The following FAM78B variants were observed in gnomAD, a reference collection of about 807,000 sequenced individuals.
FAM78B encodes the protein protein FAM78B.
In FAM78B, 10 loss-of-function variants were observed where a neutral mutation model predicts 20.0. The ratio of observed to expected loss-of-function variants is 0.50; its 90% CI spans 0.31 to 0.85. The LOEUF (loss-of-function observed/expected upper bound fraction) is 0.85. FAM78B is among the 40% of genes least tolerant of loss of function. The probability of loss-of-function intolerance (pLI) is 0.05; values close to 1 mark genes in which losing one functional copy is unlikely to be tolerated. For missense variants in FAM78B, 283 were observed against 345.0 expected, an observed-to-expected ratio of 0.82 and a Z score of 1.42; for synonymous variants, 135 against 132.8, an observed-to-expected ratio of 1.02 and a Z score of -0.12.
chr1:166,113,299 T>C (rs1654129462), intron 1 of FAM78B, among the ~76,000 whole-genome samples: 1 of 152,238 alleles, frequency 6.6e-6, no homozygotes, highest in Non-Finnish European at 1.5e-5. Context: ...AGGGGGATAA[T>C]GTTGGGTTTG....
exon 3 of FAM78B, chr1:166,060,548 G>A (rs1651547731): frequency 8.3e-7 from 1 of 1,209,274 alleles, no homozygotes; most frequent in African/African-American, 1.6e-5. Context: ...ATTTTAATGG[G>A]AAATCAGCTG....
chr1:166,102,073 T>G (rs1653550827), intron 1 of FAM78B, among the ~76,000 whole-genome samples: 3 of 151,996 alleles, frequency 2.0e-5, no homozygotes, highest in South Asian at 4.1e-4. Flanking sequence ...TTAAGGAAAA[T>G]AATTTTCAAC....
intron 1 of FAM78B, among the ~76,000 whole-genome samples, chr1:166,121,523 C>A (rs1332658205): frequency 2.0e-5 from 3 of 152,182 alleles, no homozygotes; most frequent in Non-Finnish European, 4.4e-5. Flanking sequence ...TTCAGAGCTC[C>A]ATACCCTGTG....
intron 1 of FAM78B, among the ~76,000 whole-genome samples, chr1:166,126,270 T>A (rs1654636677): frequency 6.6e-6 from 1 of 152,168 alleles, no homozygotes; most frequent in African/African-American, 2.4e-5. Context: ...CTTTTGACAG[T>A]TATGATTAAG....
At chr1:166,147,126 A>G (rs1655483380) in intron 1 of FAM78B, among the ~76,000 whole-genome samples, 1 of 152,190 alleles carries the variant, frequency 6.6e-6, no homozygotes, top group South Asian at 2.1e-4. Context: ...GGTGGTCAGG[A>G]AAGAACAAAG....
At chr1:166,124,659 G>A (rs1327856656) in intron 1 of FAM78B, among the ~76,000 whole-genome samples, 5 of 152,252 alleles carry the variant, frequency 3.3e-5, no homozygotes, top group Non-Finnish European at 7.3e-5. Flanking sequence ...TGGCTAGGCT[G>A]TGAGCCCTCC....
At chr1:166,077,099 T>C (rs1652304690) in intron 1 of FAM78B, among the ~76,000 whole-genome samples, 1 of 152,186 alleles carries the variant, frequency 6.6e-6, no homozygotes, top group Non-Finnish European at 1.5e-5. Context: ...ATTCGACTTG[T>C]TAATTTTCAA....
intron 1 of FAM78B, among the ~76,000 whole-genome samples, chr1:166,130,288 T>C (rs1654825017): frequency 6.6e-6 from 1 of 152,260 alleles, no homozygotes; most frequent in Admixed American, 6.5e-5. Flanking sequence ...AGTCACTTGC[T>C]GGACCACATA....
intron 1 of FAM78B, among the ~76,000 whole-genome samples, chr1:166,078,156 CG>C (rs1652411897): frequency 6.6e-6 from 1 of 151,484 alleles, no homozygotes; most frequent in South Asian, 2.1e-4. Flanking sequence ...CTCAGACTCC[CG>C]AGTAGCTGGG....
At chr1:166,119,616 G>C (rs74118975) in intron 1 of FAM78B, among the ~76,000 whole-genome samples, 3 of 152,180 alleles carry the variant, frequency 2.0e-5, no homozygotes, top group African/African-American at 7.2e-5. Flanking sequence ...CTCCCTAAGA[G>C]AGCTGTTTTC....
chr1:166,126,936 T>C (rs527735986), intron 1 of FAM78B, among the ~76,000 whole-genome samples: 10 of 152,340 alleles, frequency 6.6e-5, no homozygotes, highest in African/African-American at 2.4e-4. Context: ...TATCTTCCCC[T>C]GTCAACCAAC....
chr1:166,063,996 G>A (rs1260903624), intron 2 of FAM78B, among the ~76,000 whole-genome samples: 1 of 152,202 alleles, frequency 6.6e-6, no homozygotes, highest in Non-Finnish European at 1.5e-5. Flanking sequence ...AGAAGAGCTG[G>A]TTAGGTTCTC....
intron 1 of FAM78B, among the ~76,000 whole-genome samples, chr1:166,078,155 C>T (rs1652411614): frequency 6.6e-6 from 1 of 151,476 alleles, no homozygotes; most frequent in African/African-American, 2.4e-5. Context: ...CCTCAGACTC[C>T]CGAGTAGCTG....
In FAM78B at chr1:166,069,552, G is replaced by C. The variant is rs1437724355; in HGVS notation, c.*689C>G. 1 of 152,190 alleles carries C rather than the reference G, an allele frequency of 6.6e-6. No homozygotes were observed. Among genetic ancestry groups the C allele is most frequent in the Non-Finnish European group, 1.5e-5 (1 of 68,040 alleles). The allele number at this position is 152,190 out of a possible 1,614,324, so 9.4% of individuals were successfully genotyped here. ...TCTGAATAAGCAATCTTTTTGGAAA[G>C]AGGTGGGTAGACGGAACTAATGAAG... On this transcript the variant is annotated 3_prime_UTR_variant, in exon 2 of 2. Coordinates refer to ENST00000354422, the MANE Select transcript of FAM78B (RefSeq NM_001017961.5).
chr1:166,144,508 T>C (rs1655389766), intron 1 of FAM78B, among the ~76,000 whole-genome samples: 1 of 152,212 alleles, frequency 6.6e-6, no homozygotes, highest in African/African-American at 2.4e-5. Context: ...GATCTGTCTC[T>C]GTCCAAAGGT....
At chr1:166,111,938 T>G (rs1654072039) in intron 1 of FAM78B, among the ~76,000 whole-genome samples, 1 of 152,214 alleles carries the variant, frequency 6.6e-6, no homozygotes, top group Non-Finnish European at 1.5e-5. Flanking sequence ...CCTAAGAGAA[T>G]ATAAGTTGAG....
chr1:166,077,900 T>C (rs1472451132), intron 1 of FAM78B, among the ~76,000 whole-genome samples: 35 of 3,854 alleles, frequency 9.1e-3, no homozygotes, highest in South Asian at 0.019. Context: ...TATATATAAT[T>C]TATATATATA....
intron 1 of FAM78B, among the ~76,000 whole-genome samples, chr1:166,093,293 A>G (rs1051629416): frequency 6.6e-6 from 1 of 152,198 alleles, no homozygotes; most frequent in Non-Finnish European, 1.5e-5. Flanking sequence ...TCATGTCTAC[A>G]TTCCAGGTGT....
chr1:166,078,063 C>A (rs1202411421), intron 1 of FAM78B, among the ~76,000 whole-genome samples: 1 of 147,588 alleles, frequency 6.8e-6, no homozygotes, highest in East Asian at 2.0e-4. Context: ...GATGGAGTCT[C>A]GCTCCGTTTC....
Sources: allele counts gnomAD v4.1 joint callset (sites outside exome capture counted in the v4.1 genomes callset), GRCh38; gene constraint gnomAD v4.1.1; transcripts MANE v1.5; gene names NCBI Gene and HGNC (gene_info 2026-07-23, HGNC 2026-07-21).